The following DAB1 variants were observed in gnomAD, a reference collection of about 807,000 sequenced individuals.
DAB1 encodes DAB adaptor protein 1.
In DAB1, 15 loss-of-function variants were observed where a neutral mutation model predicts 64.6. The ratio of observed to expected loss-of-function variants is 0.23; its 90% CI spans 0.16 to 0.36. The LOEUF is 0.36. Among genes scored for constraint, DAB1 ranks in the 10% least tolerant of loss-of-function variants. DAB1 has a pLI of 1.00. For missense variants in DAB1, 596 were observed against 706.7 expected (o/e 0.84, Z 1.78); for synonymous variants, 235 against 251.9 (o/e 0.93, Z 0.64).
At chr1:58,277,011 G>C (rs931781371) in intron 4 of DAB1, among the ~76,000 whole-genome samples, 27 of 149,978 alleles carry the variant, frequency 1.8e-4, no homozygotes, top group Admixed American at 1.7e-3. Flanking sequence ...GAATAAAAGA[G>C]AGAGTGTTGC....
intron 2 of DAB1, among the ~76,000 whole-genome samples, chr1:58,511,735 G>A (rs1441765169): frequency 6.6e-6 from 1 of 151,756 alleles, no homozygotes; most frequent in Admixed American, 6.6e-5. Flanking sequence ...GAATGAAACT[G>A]GACCCTTATC....
intron 2 of DAB1, among the ~76,000 whole-genome samples, chr1:57,244,203 A>C (rs1426140695): frequency 6.6e-6 from 1 of 152,054 alleles, no homozygotes; most frequent in Non-Finnish European, 1.5e-5. Context: ...CACTATCTCC[A>C]TTGTCTTTTA....
chr1:58,539,001 A>G (rs931779821), intron 1 of DAB1: 1 of 872,764 alleles, frequency 1.1e-6, no homozygotes, highest in African/African-American at 1.6e-5. Flanking sequence ...CATTCCATAC[A>G]GTACATTTGC....
chr1:58,164,025 G>A (rs1250977336), intron 4 of DAB1, among the ~76,000 whole-genome samples: 1 of 152,002 alleles, frequency 6.6e-6, no homozygotes, highest in African/African-American at 2.4e-5. Flanking sequence ...TCTGACTGCT[G>A]AGCTATGCAA....
chr1:57,016,296 AT>A (rs1441627849), intron 11 of DAB1, among the ~76,000 whole-genome samples: 5 of 152,092 alleles, frequency 3.3e-5, no homozygotes, highest in African/African-American at 9.7e-5. Flanking sequence ...TAAAAAAAAA[AT>A]AGGGCCAGAT....
At chr1:58,204,101 C>A (rs1458945305) in intron 4 of DAB1, among the ~76,000 whole-genome samples, 1 of 152,170 alleles carries the variant, frequency 6.6e-6, no homozygotes, top group East Asian at 1.9e-4. Context: ...CATTATGTGG[C>A]TCAGTTTTGA....
At chr1:57,878,915 A>G (rs2101967457) in intron 1 of DAB1, 1 of 152,234 alleles carries the variant, frequency 6.6e-6, no homozygotes, top group Non-Finnish European at 1.5e-5. Flanking sequence ...TACGAGTAAG[A>G]ACATGTGATG....
intron 4 of DAB1, among the ~76,000 whole-genome samples, chr1:58,242,895 A>C (rs1660361876): frequency 6.6e-6 from 1 of 152,162 alleles, no homozygotes; most frequent in Admixed American, 6.5e-5. Context: ...AAGCAGGAAA[A>C]AAAAAATAAC....
At chr1:57,291,658 G>A (rs1672785324) in intron 1 of DAB1, among the ~76,000 whole-genome samples, 1 of 152,164 alleles carries the variant, frequency 6.6e-6, no homozygotes, top group African/African-American at 2.4e-5. Flanking sequence ...TGGGCTCCAA[G>A]GATAAGGTGA....
chr1:57,518,249 A>G (rs1172562156), intron 7 of DAB1, among the ~76,000 whole-genome samples: 1 of 152,134 alleles, frequency 6.6e-6, no homozygotes, highest in Admixed American at 6.5e-5. Context: ...ATGATCTCAC[A>G]TCATTCGATT....
intron 3 of DAB1, among the ~76,000 whole-genome samples, chr1:57,143,452 A>C (rs1000861434): frequency 5.3e-5 from 8 of 152,208 alleles, no homozygotes; most frequent in Non-Finnish European, 8.8e-5. Context: ...TTGAAAAAAA[A>C]AGATGCACTA....
intron 9 of DAB1, among the ~76,000 whole-genome samples, chr1:57,034,007 C>T (rs1428241761): frequency 1.3e-5 from 2 of 152,170 alleles, no homozygotes; most frequent in African/African-American, 4.8e-5. Context: ...CTCGGCCGGG[C>T]GCGGTGGCTC....
At chr1:57,992,916 T>C (rs1646368022) in intron 5 of DAB1, among the ~76,000 whole-genome samples, 1 of 152,108 alleles carries the variant, frequency 6.6e-6, no homozygotes, top group Admixed American at 6.6e-5. Flanking sequence ...CTACCATACA[T>C]TGAACTTCTA....
intron 1 of DAB1, among the ~76,000 whole-genome samples, chr1:57,408,076 A>C (rs2101049379): frequency 6.6e-6 from 1 of 152,284 alleles, no homozygotes; most frequent in African/African-American, 2.4e-5. Context: ...GCTCCTCTAC[A>C]GAATGAGTGG....
At chr1:57,061,960 A>G (rs969458574) in intron 9 of DAB1, among the ~76,000 whole-genome samples, 2 of 152,222 alleles carry the variant, frequency 1.3e-5, no homozygotes, top group Non-Finnish European at 1.5e-5. Flanking sequence ...AATGAGGTCA[A>G]TAGTGACTGA....
At chr1:57,695,382 AAG>A (rs1646825722) in intron 6 of DAB1, among the ~76,000 whole-genome samples, 2 of 82,526 alleles carry the variant, frequency 2.4e-5, no homozygotes, top group Non-Finnish European at 4.9e-5. Context: ...GAAAGAAAGA[AAG>A]AAAGAAAGAA....
chr1:57,999,410 G>A (rs1423806527), intron 5 of DAB1, among the ~76,000 whole-genome samples: 1 of 152,204 alleles, frequency 6.6e-6, no homozygotes, highest in Non-Finnish European at 1.5e-5. Flanking sequence ...GGTAGGATCA[G>A]CACTTTGTGT....
At chr1:57,714,649 AAG>A (rs1177915270) in intron 6 of DAB1, among the ~76,000 whole-genome samples, 1 of 152,210 alleles carries the variant, frequency 6.6e-6, no homozygotes, top group East Asian at 1.9e-4. Context: ...AATAGAGTTG[AAG>A]AGTTAAGTAA....
At chr1:58,025,533 G>A (rs1412822407) in intron 5 of DAB1, among the ~76,000 whole-genome samples, 2 of 149,078 alleles carry the variant, frequency 1.3e-5, no homozygotes, top group African/African-American at 2.5e-5. Flanking sequence ...ATGTAGATGA[G>A]CTATAAATAT....
Sources: allele counts gnomAD v4.1 joint callset (sites outside exome capture counted in the v4.1 genomes callset), GRCh38; gene constraint gnomAD v4.1.1; transcripts MANE v1.5; gene names NCBI Gene and HGNC (gene_info 2026-07-23, HGNC 2026-07-21).